The following SGK1 variants were observed in gnomAD, a reference collection of about 807,000 sequenced individuals.
SGK1 encodes serine/threonine-protein kinase Sgk1.
In SGK1, 26 loss-of-function variants were observed where a neutral mutation model predicts 64.2. That is an observed-to-expected ratio of 0.40 (90% confidence interval 0.30 to 0.56). SGK1 has a LOEUF of 0.56. SGK1 is among the 20% of genes least tolerant of loss of function. The pLI is 0.38. For missense variants in SGK1, 519 were observed against 645.6 expected (o/e 0.80, Z 2.12); for synonymous variants, 265 against 239.7 (o/e 1.11, Z -0.98).
intron 3 of SGK1, among the ~76,000 whole-genome samples, chr6:134,179,060 GAT>G (rs1487560628): frequency 1.3e-5 from 2 of 151,930 alleles, no homozygotes; most frequent in Non-Finnish European, 2.9e-5. Flanking sequence ...GCTTCACAAA[GAT>G]ATGACTTTTT....
chr6:134,298,966 A>T (rs2114789144), intron 1 of SGK1, among the ~76,000 whole-genome samples: 2 of 151,610 alleles, frequency 1.3e-5, no homozygotes, highest in South Asian at 4.2e-4. Context: ...ATGCCCAGCT[A>T]ATTTTTGTAT....
chr6:134,221,496 G>T (rs1050690447), intron 2 of SGK1, among the ~76,000 whole-genome samples: 2 of 151,948 alleles, frequency 1.3e-5, no homozygotes, highest in Non-Finnish European at 2.9e-5. Context: ...CTCAGTGAAG[G>T]CTTGCTTGTC....
chr6:134,254,559 T>C (rs1010316292), intron 2 of SGK1, among the ~76,000 whole-genome samples: 11 of 152,146 alleles, frequency 7.2e-5, no homozygotes, highest in African/African-American at 2.7e-4. Context: ...TAATATGGGA[T>C]TGAAACATTT....
At chr6:134,278,377 C>T (rs1777047647) in intron 1 of SGK1, among the ~76,000 whole-genome samples, 1 of 152,194 alleles carries the variant, frequency 6.6e-6, no homozygotes, top group Admixed American at 6.5e-5. Context: ...ATGAAAGTCT[C>T]ATTATTAGAG....
intron 1 of SGK1, among the ~76,000 whole-genome samples, chr6:134,284,178 T>C (rs1777143473): frequency 6.6e-6 from 1 of 152,102 alleles, no homozygotes. Context: ...CTGCAACCTC[T>C]GCCTCCCAGG....
chr6:134,212,944 T>C lies in SGK1; in HGVS notation c.286-5513A>G, dbSNP rs983943507. On this transcript the variant is annotated intron_variant, in intron 2 of 13. Coordinates refer to ENST00000367858, the MANE Select transcript of SGK1 (RefSeq NM_001143676.3). ...TCATTTACTTGTGAATGATTATCAC[T>C]ATTTGTTCAATAAAATCTTCCCCAC... Among the ~76,000 whole-genome samples the C allele has an allele frequency of 3.9e-5, 6 of 152,220 alleles. No homozygotes were observed. In the East Asian group the frequency reaches 1.2e-3, roughly 29 times the overall value.
chr6:134,231,117 A>G lies in SGK1; in HGVS notation c.286-23686T>C, dbSNP rs192651388. ...GGTGGAAGGATTGCTTGAGCTGGGGAGGTTAAGGCTGCAGTAAACTGTGAT... is the reference window on the plus strand; with the variant it reads ...GGTGGAAGGATTGCTTGAGCTGGGGGGGTTAAGGCTGCAGTAAACTGTGAT... On this transcript the variant is annotated intron_variant, in intron 2 of 13. Transcript: ENST00000367858. Among the ~76,000 whole-genome samples, 227 of 152,336 alleles carry G rather than the reference A, an allele frequency of 1.5e-3. 1 individual carries two copies. The highest frequency in any genetic ancestry group is 5.2e-3 in the African/African-American group (216 of 41,568).
intron 2 of SGK1, among the ~76,000 whole-genome samples, chr6:134,233,843 C>A (rs72972290): frequency 6.8e-6 from 1 of 147,442 alleles, no homozygotes; most frequent in African/African-American, 2.5e-5. Context: ...GCTGGAAAAA[C>A]ACAGAACTGG....
At chr6:134,245,465 C>G (rs778913674) in intron 2 of SGK1, among the ~76,000 whole-genome samples, 37 of 152,288 alleles carry the variant, frequency 2.4e-4, no homozygotes, top group Non-Finnish European at 4.1e-4. Flanking sequence ...GGAAATAAAA[C>G]CTTCAGAATC....
intron 4 of SGK1, 131 bp from the exon 5 acceptor site, chr6:134,174,211 A>G (rs553152272): frequency 4.7e-5 from 31 of 656,830 alleles, no homozygotes; most frequent in South Asian, 4.4e-4. Flanking sequence ...ATACCCCAAT[A>G]CATTAGTCAG....
chr6:134,219,930 G>A (rs1474885641), intron 2 of SGK1, among the ~76,000 whole-genome samples: 4 of 138,340 alleles, frequency 2.9e-5, no homozygotes, highest in African/African-American at 1.1e-4. Flanking sequence ...GTAGGGGCGG[G>A]CGCCTGTAGT....
chr6:134,268,683 ACT>A (rs1037306927), intron 1 of SGK1, among the ~76,000 whole-genome samples: 1 of 138,486 alleles, frequency 7.2e-6, no homozygotes, highest in Non-Finnish European at 1.6e-5. Flanking sequence ...AGATCGCGCC[ACT>A]GCACTCCAGC....
chr6:134,243,793 G>A (rs1776484478), intron 2 of SGK1, among the ~76,000 whole-genome samples: 1 of 152,124 alleles, frequency 6.6e-6, no homozygotes, highest in Non-Finnish European at 1.5e-5. Flanking sequence ...GGAAGCTCTA[G>A]ATGTTGCTCA....
At chr6:134,207,526 G>A (rs1775813232) in intron 2 of SGK1, 95 bp from the exon 3 acceptor site, 1 of 834,160 alleles carries the variant, frequency 1.2e-6, no homozygotes, top group Admixed American at 2.1e-5. Context: ...TTCCAAGGCT[G>A]AAACTAGTAC....
intron 2 of SGK1, among the ~76,000 whole-genome samples, chr6:134,251,694 C>T (rs1776608159): frequency 1.3e-5 from 2 of 152,114 alleles, no homozygotes; most frequent in African/African-American, 2.4e-5. Context: ...CAGAAACTTG[C>T]TTTACCCACA....
At chr6:134,186,483 G>A (rs534352711) in intron 3 of SGK1, among the ~76,000 whole-genome samples, 7 of 152,256 alleles carry the variant, frequency 4.6e-5, no homozygotes, top group Non-Finnish European at 7.4e-5. Context: ...GTACATAGAC[G>A]CACAACATAT....
intron 1 of SGK1, among the ~76,000 whole-genome samples, chr6:134,289,001 A>AT (rs1302077391): frequency 2.0e-5 from 3 of 152,148 alleles, no homozygotes; most frequent in Non-Finnish European, 2.9e-5. Context: ...TTAACCTCAG[A>AT]TTTTTTCCAC....
chr6:134,207,244 A>AC (rs1348114694), intron 3 of SGK1, 112 bp downstream of exon 3: 34 of 744,386 alleles, frequency 4.6e-5, no homozygotes, highest in Non-Finnish European at 6.5e-5. Flanking sequence ...CAAAAAACAA[A>AC]AAACAAACAA....
intron 2 of SGK1, among the ~76,000 whole-genome samples, chr6:134,232,428 A>AG (rs72306170): frequency 0.48 from 31,339 of 65,838 alleles, 7,485 homozygotes; most frequent in South Asian, 0.7. Context: ...AGAAAGAAAG[A>AG]AAGAAAGAAA....
Sources: allele counts gnomAD v4.1 joint callset (sites outside exome capture counted in the v4.1 genomes callset), GRCh38; gene constraint gnomAD v4.1.1; transcripts MANE v1.5; gene names NCBI Gene and HGNC (gene_info 2026-07-23, HGNC 2026-07-21).